NARS1: variants seen among roughly 807,000 people sequenced by gnomAD.
NARS1 encodes asparagine--tRNA ligase, cytoplasmic.
In NARS1, 65 loss-of-function variants were observed where a neutral mutation model predicts 79.2. The ratio of observed to expected loss-of-function variants is 0.82; its 90% CI spans 0.67 to 1.01. The LOEUF (loss-of-function observed/expected upper bound fraction) is 1.01, where lower values mean the gene tolerates loss of function less well. NARS1 is among the 50% of genes least tolerant of loss of function. NARS1 has a pLI of 0.00. For missense variants in NARS1, 649 were observed against 673.8 expected, an observed-to-expected ratio of 0.96 and a Z score of 0.41; for synonymous variants, 229 against 238.8, an observed-to-expected ratio of 0.96 and a Z score of 0.38.
intron 2 of NARS1, among the ~76,000 whole-genome samples, chr18:57,618,646 A>T (rs1908162662): frequency 6.6e-6 from 1 of 152,184 alleles, no homozygotes; most frequent in Admixed American, 6.5e-5. Context: ...TCACACCTGT[A>T]GCCCCAGCAC....
intron 4 of NARS1, among the ~76,000 whole-genome samples, chr18:57,615,291 G>A (rs941048885): frequency 1.3e-5 from 2 of 152,064 alleles, no homozygotes; most frequent in African/African-American, 4.8e-5. Flanking sequence ...TCACGAGATC[G>A]GGAGATCAAG....
chr18:57,616,592 A>C (rs919947854), intron 2 of NARS1, among the ~76,000 whole-genome samples: 2 of 152,216 alleles, frequency 1.3e-5, no homozygotes, highest in African/African-American at 2.4e-5. Context: ...CAAGGACAAC[A>C]GAAGAGACAC....
At chr18:57,608,757 G>A (rs1406442824) in intron 7 of NARS1, among the ~76,000 whole-genome samples, 1 of 152,158 alleles carries the variant, frequency 6.6e-6, no homozygotes, top group Non-Finnish European at 1.5e-5. Flanking sequence ...AACCTGATTG[G>A]AATGAAGGAT....
chr18:57,614,512 AAAT>A, intron 4 of NARS1, among the ~76,000 whole-genome samples: 1 of 146,836 alleles, frequency 6.8e-6, no homozygotes. Flanking sequence ...ATAAATAAAT[AAAT>A]AATAAAATAA....
chr18:57,605,554 C>G (rs1354625113), intron 11 of NARS1, among the ~76,000 whole-genome samples: 1 of 149,690 alleles, frequency 6.7e-6, no homozygotes, highest in African/African-American at 2.5e-5. Flanking sequence ...TTGCAGTGAG[C>G]CGAGATCTGA....
chr18:57,613,325 T>G (rs1336143637), intron 5 of NARS1, among the ~76,000 whole-genome samples: 1 of 151,628 alleles, frequency 6.6e-6, no homozygotes, highest in Non-Finnish European at 1.5e-5. Flanking sequence ...AAACACCGTC[T>G]CTACTAAAAT....
intron 6 of NARS1, among the ~76,000 whole-genome samples, chr18:57,610,478 A>C (rs1054036641): frequency 2.0e-5 from 3 of 152,182 alleles, no homozygotes; most frequent in Non-Finnish European, 4.4e-5. Flanking sequence ...TCTCAAATAA[A>C]AAAAAGAAAA....
At chr18:57,610,292 C>T (rs762197631) in intron 6 of NARS1, among the ~76,000 whole-genome samples, 4 of 151,924 alleles carry the variant, frequency 2.6e-5, no homozygotes, top group Non-Finnish European at 4.4e-5. Context: ...GCCAACATGG[C>T]AAAAACCTGT....
At chr18:57,611,325 G>A (rs1039730488) in intron 6 of NARS1, among the ~76,000 whole-genome samples, 2 of 152,118 alleles carry the variant, frequency 1.3e-5, no homozygotes, top group African/African-American at 4.8e-5. Flanking sequence ...TATGATGTCT[G>A]AGGGGCAGTA....
rs1431990046 is a variant in NARS1, at chr18:57,607,718, T to C, written c.580-53A>G. 4 of 1,421,012 alleles carry C rather than the reference T, an allele frequency of 2.8e-6. No individual in the cohort carries two copies. In the Admixed American group the frequency reaches 9.4e-5, roughly 34 times the overall value. The allele number at this position is 1,421,012 out of a possible 1,614,324, so 88.0% of individuals were successfully genotyped here. A position where few individuals can be genotyped will look rare whatever the true frequency, so the allele number is the denominator to read the frequency against. On this transcript the variant is annotated intron_variant, in intron 7 of 13. Coordinates refer to ENST00000256854, the MANE Select transcript of NARS1 (RefSeq NM_004539.4). ...GAAAGAGGGAAAAGGAAATAAAAAA[T>C]TAACAGTATTGAGGATTTTAATTTA... is the stretch of plus-strand genomic sequence containing the variant.
In NARS1 at chr18:57,610,348, T is replaced by G. The variant is rs60043231; in HGVS notation, c.493-905A>C. Among the ~76,000 whole-genome samples the G allele has an allele frequency of 8.1e-3, 1,234 of 152,306 alleles. 20 individuals are homozygous for G. The highest frequency in any genetic ancestry group is 0.028 in the African/African-American group (1,162 of 41,554). On this transcript the variant is annotated intron_variant, in intron 6 of 13. Transcript: ENST00000256854. Reference sequence around the variant, plus strand: ...TTAGCTGGGTATGGTGGCATGCACCTGTAGTCCCAGCTACTCGGGAGGCTG... The same window carrying G: ...TTAGCTGGGTATGGTGGCATGCACCGGTAGTCCCAGCTACTCGGGAGGCTG...
chr18:57,608,414 G>A (rs749358633), intron 7 of NARS1, among the ~76,000 whole-genome samples: 4 of 100,368 alleles, frequency 4.0e-5, no homozygotes, highest in East Asian at 3.6e-4. Flanking sequence ...TCCAGCCTGC[G>A]CAACAAGAGC....
At chr18:57,602,739 A>C in intron 12 of NARS1, 73 bp downstream of exon 12, 1 of 1,515,058 alleles carries the variant, frequency 6.6e-7, no homozygotes, top group Non-Finnish European at 9.0e-7. Context: ...CATGAGCTGT[A>C]CCTGATTCCA....
intron 11 of NARS1, 102 bp from the exon 12 acceptor site, chr18:57,603,045 A>G (rs1357543877): frequency 8.8e-7 from 1 of 1,134,274 alleles, no homozygotes; most frequent in Middle Eastern, 2.0e-4. Context: ...TCAATTCAAC[A>G]GAGTAGAGGA....
chr18:57,615,664 G>A lies in NARS1; in HGVS notation c.319C>T (p.Pro107Ser), dbSNP rs1012437977. The A allele has an allele frequency of 6.2e-7, 1 of 1,612,408 alleles. No individual in the cohort carries two copies. The highest frequency in any genetic ancestry group is 8.5e-7 in the Non-Finnish European group (1 of 1,179,070). ...ACACATTTTGGCTCTGGGAGACTTG[G>A]ATCATTTTTAATGGTAATCTTCTTT... ...EAKKITIKND[P>S]SLPEPKCVKI... is the part of the protein sequence containing the mutation. Residue 107 changes from proline to serine, a missense_variant, in exon 4 of 14, where the codon CCA becomes TCA. Physicochemically the swap from Pro to Ser is moderately conservative, Grantham distance 74 (BLOSUM62 -1). Coordinates refer to ENST00000256854, the MANE Select transcript of NARS1 (RefSeq NM_004539.4).
Position 57,602,942 on chromosome 18 carries a change from T to A in NARS1, c.1253A>T (p.Asp418Val). Residue 418 changes from aspartate to valine, a missense_variant and splice_region_variant, in exon 12 of 14, where the codon GAT (aspartate) becomes GTT (valine). By Grantham distance (152) the Asp-to-Val change is radical (BLOSUM62 -3). Transcript: ENST00000256854. ...CAGTCTCTCAGGAGCTTCTGGGATA[T>A]CCTGAGGTCAAACAAGACTTCATTA... ...EDGTFYEFGE[D>V]IPEAPERLMT... The A allele has an allele frequency of 6.2e-7, 1 of 1,613,828 alleles. No individual in the cohort carries two copies. Among genetic ancestry groups the A allele is most frequent in the Non-Finnish European group, 8.5e-7 (1 of 1,179,898 alleles).
At chr18:57,609,307 A>C in intron 7 of NARS1, 50 bp downstream of exon 7, 1 of 1,440,996 alleles carries the variant, frequency 6.9e-7, no homozygotes, top group Non-Finnish European at 9.7e-7. Context: ...TGGAAAACAA[A>C]CCAATAAATA....
chr18:57,607,597 A>G lies in NARS1; in HGVS notation c.648T>C (p.Ala216=). 6.2e-7 allele frequency: 1 copy of G among 1,614,164 alleles called. No individual in the cohort carries two copies. Among genetic ancestry groups the G allele is most frequent in the Non-Finnish European group, 8.5e-7 (1 of 1,180,044 alleles). Residue 216 remains alanine, a synonymous_variant, in exon 8 of 14, where the codon GCT becomes GCC. Coordinates refer to ENST00000256854, the MANE Select transcript of NARS1 (RefSeq NM_004539.4). ...CAGACTCCTCATTGATCAGGTTGTC[A>G]GCTCCTCCAGCAGGGGCCAACCCAA... The part of the protein sequence containing the change: ...ELIGLAPAGG[A]DNLINEESDV...
chr18:57,619,708 G>A (rs1555684691), intron 2 of NARS1, among the ~76,000 whole-genome samples: 1 of 151,760 alleles, frequency 6.6e-6, no homozygotes, highest in African/African-American at 2.4e-5. Flanking sequence ...CCCTTTTTTT[G>A]TTTTTTCTTC....
Sources: gnomAD v4.1 joint callset for allele counts (sites outside exome capture counted in the v4.1 genomes callset) on GRCh38, gnomAD v4.1.1 for gene constraint, MANE v1.5 for transcripts, NCBI Gene and HGNC (gene_info 2026-07-23, HGNC 2026-07-21) for gene names.